NFATC2: variants seen among roughly 807,000 people sequenced by gnomAD.
The protein encoded by NFATC2 is nuclear factor of activated T-cells, cytoplasmic 2.
Under a neutral mutation model 87.3 loss-of-function variants are expected in NFATC2, and 22 were observed. The observed-to-expected ratio is 0.25, with a 90% CI of 0.18 to 0.36. The LOEUF (loss-of-function observed/expected upper bound fraction) is 0.36, where lower values mean the gene tolerates loss of function less well. Ranked by LOEUF, NFATC2 falls within the 10% of genes least tolerant of loss-of-function variation. The probability of loss-of-function intolerance (pLI) is 1.00; values close to 1 mark genes in which losing one functional copy is unlikely to be tolerated. For missense variants in NFATC2, 1,149 were observed against 1,259.1 expected, an observed-to-expected ratio of 0.91 and a Z score of 1.32; for synonymous variants, 565 against 542.2, an observed-to-expected ratio of 1.04 and a Z score of -0.58.
At position 51,524,106 on chromosome 20, in the gene NFATC2, C is replaced by T; in HGVS notation, c.135G>A (p.Glu45=). The T allele has an allele frequency of 6.9e-7, 1 of 1,457,106 alleles. No homozygotes were observed. The allele number at this position is 1,457,106 out of a possible 1,614,324, so 90.3% of individuals were successfully genotyped here. A position where few individuals can be genotyped will look rare whatever the true frequency, so the allele number is the denominator to read the frequency against. ...DYEYLNPNEE[E]PNAHKVASPP... is the part of the protein sequence containing the mutation. ...GGCTGGCGACCTTATGTGCATTCGG[C>T]TCTTCTGGAAAGAGAAGGGGGAAGG... The change falls in exon 2 of 11, where the codon GAG becomes GAA. Residue 45 remains glutamate, a synonymous_variant. Transcript: ENST00000371564. The surrounding 1 kb of genome is among the most constrained non-coding windows in gnomAD (Gnocchi z 4.0).
chr20:51,476,816 A>G (rs1382903812), intron 3 of NFATC2, among the ~76,000 whole-genome samples: 1 of 152,248 alleles, frequency 6.6e-6, no homozygotes, highest in East Asian at 1.9e-4. Context: ...CTTCTAAACA[A>G]ACATGCAAAT....
chr20:51,468,009 T>C (rs1987851189), intron 5 of NFATC2, among the ~76,000 whole-genome samples: 1 of 152,212 alleles, frequency 6.6e-6, no homozygotes, highest in African/African-American at 2.4e-5. Flanking sequence ...AATAACACCA[T>C]AGCAGTGACA....
intron 6 of NFATC2, among the ~76,000 whole-genome samples, chr20:51,443,351 C>T (rs228831): frequency 0.43 from 66,029 of 152,106 alleles, 15,851 homozygotes; most frequent in South Asian, 0.53. Flanking sequence ...TGGCACATAA[C>T]AGTTGCTCAA....
chr20:51,472,089 C>T (rs1014742673), intron 5 of NFATC2, among the ~76,000 whole-genome samples: 1 of 152,112 alleles, frequency 6.6e-6, no homozygotes, highest in Non-Finnish European at 1.5e-5. Flanking sequence ...CCTGTCTCTA[C>T]TAAAAAATAC....
chr20:51,433,759 ATGTGTGTG>A (rs59775939), intron 8 of NFATC2, among the ~76,000 whole-genome samples: 7 of 146,078 alleles, frequency 4.8e-5, no homozygotes, highest in South Asian at 4.4e-4. Context: ...TCATGCATGC[ATGTGTGTG>A]TGTGTGTGTG....
chr20:51,469,704 A>C (rs541001310), intron 5 of NFATC2, among the ~76,000 whole-genome samples: 2 of 152,154 alleles, frequency 1.3e-5, no homozygotes, highest in Non-Finnish European at 2.9e-5. Flanking sequence ...GACCCAGAGA[A>C]GGCCATGTGC....
intron 1 of NFATC2, among the ~76,000 whole-genome samples, chr20:51,553,837 T>G (rs80208372): frequency 0.044 from 6,637 of 151,920 alleles, 194 homozygotes; most frequent in Non-Finnish European, 0.066. Flanking sequence ...TGGGTAGGGC[T>G]GGTTCGTTAG....
intron 9 of NFATC2, among the ~76,000 whole-genome samples, chr20:51,408,338 A>AC (rs1397263737): frequency 6.6e-6 from 1 of 151,840 alleles, no homozygotes; most frequent in Non-Finnish European, 1.5e-5. Context: ...ACATAGGGAA[A>AC]CCCCATCTCT....
chr20:51,542,315 CAGG>C, intron 1 of NFATC2, 52 bp downstream of exon 1: 1 of 1,568,462 alleles, frequency 6.4e-7, no homozygotes. Flanking sequence ...GCCCAGTCCC[CAGG>C]CCTGAGCCCC....
At chr20:51,496,436 G>GC (rs1446961548) in intron 3 of NFATC2, among the ~76,000 whole-genome samples, 1 of 132,162 alleles carries the variant, frequency 7.6e-6, no homozygotes, top group Non-Finnish European at 1.6e-5. Context: ...ACCACCCCCC[G>GC]CCCCCCACTC....
At chr20:51,443,515 G>A (rs1448455624) in intron 6 of NFATC2, among the ~76,000 whole-genome samples, 1 of 152,182 alleles carries the variant, frequency 6.6e-6, no homozygotes, top group Non-Finnish European at 1.5e-5. Flanking sequence ...ATCCTTTGTG[G>A]GAATCAGCTG....
At chr20:51,427,251 C>T (rs1981970581) in intron 9 of NFATC2, among the ~76,000 whole-genome samples, 1 of 152,144 alleles carries the variant, frequency 6.6e-6, no homozygotes, top group Non-Finnish European at 1.5e-5. Flanking sequence ...GCTGTGGAGT[C>T]AGCACAGCTC....
intron 1 of NFATC2, among the ~76,000 whole-genome samples, chr20:51,550,277 A>AC (rs1163124991): frequency 6.6e-6 from 1 of 152,006 alleles, no homozygotes; most frequent in Non-Finnish European, 1.5e-5. Flanking sequence ...AAAGAGTAAG[A>AC]CCCCATGTCT....
At chr20:51,450,179 C>G (rs1333554039) in intron 6 of NFATC2, among the ~76,000 whole-genome samples, 1 of 152,122 alleles carries the variant, frequency 6.6e-6, no homozygotes, top group East Asian at 1.9e-4. Flanking sequence ...GGTGAAGTAA[C>G]TTACTCAGAA....
In NFATC2 at chr20:51,523,557, C is replaced by T. The variant is rs759304873; in HGVS notation, c.684G>A (p.Glu228=). ...GCGAGTGGCGGCCCAGGCAGCTGTC[C>T]TCGGCGAGGCTGGTTCGAGGTGACA... ...PIMSPRTSLA[E]DSCLGRHSPV... is the part of the protein sequence containing the mutation. The change falls in exon 2 of 11, where the codon GAG becomes GAA. Residue 228 remains glutamate (E), a synonymous_variant. Transcript: ENST00000371564. The surrounding 1 kb of genome is among the most constrained non-coding windows in gnomAD (Gnocchi z 6.9). 7 of 1,613,704 alleles carry T rather than the reference C, an allele frequency of 4.3e-6. No individual in the cohort carries two copies. The Admixed American group carries it at 1.0e-4, about 23-fold the overall frequency.
chr20:51,409,316 G>A (rs972378803), intron 9 of NFATC2, among the ~76,000 whole-genome samples: 10 of 152,164 alleles, frequency 6.6e-5, no homozygotes, highest in Admixed American at 3.9e-4. Flanking sequence ...TAACCAGAAA[G>A]AGGAAAAATC....
intron 9 of NFATC2, among the ~76,000 whole-genome samples, chr20:51,420,360 C>T (rs1437441144): frequency 6.6e-6 from 1 of 152,202 alleles, no homozygotes; most frequent in African/African-American, 2.4e-5. Context: ...ACCCATGAAG[C>T]AATCTTGCCA....
chr20:51,504,739 CTG>C (rs2076148015), intron 3 of NFATC2, among the ~76,000 whole-genome samples: 1 of 152,196 alleles, frequency 6.6e-6, no homozygotes, highest in African/African-American at 2.4e-5. Flanking sequence ...CACAGCCTCT[CTG>C]TGTCTCAAGT....
At position 51,417,056 on chromosome 20, in the gene NFATC2, G is replaced by A. The variant is rs148010179; in HGVS notation, c.2722+15011C>T. Among the ~76,000 whole-genome samples, 828 of 152,194 alleles carry A rather than the reference G, an allele frequency of 5.4e-3. 7 individuals are homozygous for A. Among genetic ancestry groups the A allele is most frequent in the African/African-American group, 0.019 (783 of 41,516 alleles). ...GATAAATGCCCTATTCTCTTTATACGTGGACTCAGAATCACTTCTCACACA... is the reference window on the plus strand; with the variant it reads ...GATAAATGCCCTATTCTCTTTATACATGGACTCAGAATCACTTCTCACACA... On this transcript the variant is annotated intron_variant, in intron 9 of 10. Coordinates refer to ENST00000371564, the MANE Select transcript of NFATC2 (RefSeq NM_012340.5).
Sources: allele counts gnomAD v4.1 joint callset (sites outside exome capture counted in the v4.1 genomes callset), GRCh38; gene constraint gnomAD v4.1.1; non-coding constraint Gnocchi (gnomAD v3.1); transcripts MANE v1.5; gene names NCBI Gene and HGNC (gene_info 2026-07-23, HGNC 2026-07-21).